The following KIAA1671 variants were observed in gnomAD, a reference collection of about 807,000 sequenced individuals.
KIAA1671 encodes uncharacterized protein KIAA1671.
KIAA1671 carries 52 observed loss-of-function variants against 131.2 expected under a neutral mutation model. The observed-to-expected ratio is 0.40, with a 90% confidence interval of 0.32 to 0.50. The LOEUF (loss-of-function observed/expected upper bound fraction) is 0.50, where lower values mean the gene tolerates loss of function less well. Ranked by LOEUF, KIAA1671 falls within the 20% of genes least tolerant of loss-of-function variation. The pLI is 0.73. For missense variants in KIAA1671, 2,360 were observed against 2,364.2 expected (o/e 1.00, Z 0.04); for synonymous variants, 1,003 against 961.6 (o/e 1.04, Z -0.80).
intron 1 of KIAA1671, among the ~76,000 whole-genome samples, chr22:24,960,990 C>T (rs761524371): frequency 2.0e-5 from 3 of 152,016 alleles, no homozygotes; most frequent in African/African-American, 4.8e-5. Context: ...CATTTTGTTG[C>T]CCTTGGGGTT....
chr22:25,031,297 C>T (rs1301929826), intron 3 of KIAA1671, among the ~76,000 whole-genome samples: 1 of 150,626 alleles, frequency 6.6e-6, no homozygotes, highest in East Asian at 2.0e-4. Context: ...CCCAGGTTCA[C>T]GCCATTCTCC....
chr22:25,119,436 CCACT>C (rs1162034145), intron 6 of KIAA1671, among the ~76,000 whole-genome samples: 1 of 152,188 alleles, frequency 6.6e-6, no homozygotes, highest in East Asian at 1.9e-4. Context: ...GTAATAAAAA[CCACT>C]CATTCATTCA....
chr22:25,152,868 G>A (rs1191231398), intron 6 of KIAA1671, among the ~76,000 whole-genome samples: 1 of 152,128 alleles, frequency 6.6e-6, no homozygotes, highest in Non-Finnish European at 1.5e-5. Flanking sequence ...GCCTCCCAAA[G>A]TGCTGGGATT....
At chr22:25,140,795 AGCAGAG>A (rs1172100193) in intron 6 of KIAA1671, among the ~76,000 whole-genome samples, 10 of 152,174 alleles carry the variant, frequency 6.6e-5, no homozygotes, top group Admixed American at 2.6e-4. Context: ...GAGGTTCTTG[AGCAGAG>A]GCGTGGTATG....
chr22:24,994,604 G>A (rs531238054), intron 1 of KIAA1671, among the ~76,000 whole-genome samples: 1 of 152,222 alleles, frequency 6.6e-6, no homozygotes, highest in Admixed American at 6.5e-5. Flanking sequence ...CTCTTGTGAG[G>A]ACCTGGCTGG....
intron 1 of KIAA1671, among the ~76,000 whole-genome samples, chr22:24,975,490 T>C (rs759340270): frequency 3.3e-5 from 5 of 152,040 alleles, no homozygotes; most frequent in Non-Finnish European, 7.4e-5. Flanking sequence ...GCTAATTTTT[T>C]TGATTTTCAG....
At chr22:25,188,653 T>C (rs1383070659) in intron 11 of KIAA1671, among the ~76,000 whole-genome samples, 1 of 152,206 alleles carries the variant, frequency 6.6e-6, no homozygotes, top group Non-Finnish European at 1.5e-5. Context: ...ATATTTTGTA[T>C]GTTATATTTT....
chr22:25,132,804 C>G (rs1013972067), intron 6 of KIAA1671, among the ~76,000 whole-genome samples: 1 of 152,102 alleles, frequency 6.6e-6, no homozygotes, highest in Non-Finnish European at 1.5e-5. Flanking sequence ...CCTGTAATCC[C>G]AGCACTTTAG....
chr22:24,965,967 A>T (rs1056123888), intron 1 of KIAA1671, among the ~76,000 whole-genome samples: 2 of 152,204 alleles, frequency 1.3e-5, no homozygotes, highest in Admixed American at 1.3e-4. Context: ...TAGGATCCTC[A>T]TAACAACCTA....
At chr22:25,174,185 C>A in intron 7 of KIAA1671, 55 bp from the exon 8 acceptor site, 1 of 1,531,606 alleles carries the variant, frequency 6.5e-7, no homozygotes, top group Non-Finnish European at 8.8e-7. Context: ...CTTGAAATCC[C>A]GTTCTCTGAA....
At chr22:25,174,115 G>A (rs1330762766) in intron 7 of KIAA1671, 125 bp from the exon 8 acceptor site, 3 of 1,059,040 alleles carry the variant, frequency 2.8e-6, no homozygotes, top group South Asian at 3.2e-5. Flanking sequence ...GGGATGTTCT[G>A]TCTGTTGTTA....
intron 6 of KIAA1671, among the ~76,000 whole-genome samples, chr22:25,114,540 C>T (rs1410437725): frequency 6.6e-6 from 1 of 152,262 alleles, no homozygotes; most frequent in African/African-American, 2.4e-5. Context: ...GGCTCTGCCG[C>T]TTCCCAGCTG....
At chr22:25,146,417 C>T (rs1241827323) in intron 6 of KIAA1671, among the ~76,000 whole-genome samples, 1 of 152,196 alleles carries the variant, frequency 6.6e-6, no homozygotes, top group Non-Finnish European at 1.5e-5. Flanking sequence ...CCTAGCCTTG[C>T]CCCCAGGCCT....
chr22:25,134,793 G>A (rs1186481624), intron 6 of KIAA1671, among the ~76,000 whole-genome samples: 1 of 152,188 alleles, frequency 6.6e-6, no homozygotes, highest in Non-Finnish European at 1.5e-5. Flanking sequence ...CCCACCACTT[G>A]CCAGCTCTGT....
chr22:25,117,585 CCACACACA>C (rs4049524), intron 6 of KIAA1671, among the ~76,000 whole-genome samples: 1,691 of 123,870 alleles, frequency 0.014, 14 homozygotes, highest in South Asian at 0.053. Context: ...TCTCCCCCAA[CCACACACA>C]CACACACACA....
intron 6 of KIAA1671, among the ~76,000 whole-genome samples, chr22:25,091,138 A>G (rs922249193): frequency 7.2e-5 from 11 of 152,094 alleles, no homozygotes; most frequent in Non-Finnish European, 1.5e-4. Flanking sequence ...GCTCACTGCA[A>G]CCTTTGCCTC....
intron 1 of KIAA1671, among the ~76,000 whole-genome samples, chr22:24,966,587 A>AC (rs1326070954): frequency 2.6e-5 from 4 of 152,170 alleles, no homozygotes; most frequent in Non-Finnish European, 5.9e-5. Context: ...ATGCTTGCTC[A>AC]CCTGCATACC....
chr22:24,986,873 C>T (rs1314794824), intron 1 of KIAA1671, among the ~76,000 whole-genome samples: 1 of 151,976 alleles, frequency 6.6e-6, no homozygotes, highest in Non-Finnish European at 1.5e-5. Flanking sequence ...AAGGACAAAG[C>T]CCCTTGCCCT....
rs113194103 is a variant in KIAA1671, at chr22:25,116,426, T to C, written c.4531-54394T>C. On this transcript the variant is annotated intron_variant, in intron 6 of 12. Coordinates refer to ENST00000358431, the MANE Select transcript of KIAA1671 (RefSeq NM_001145206.2). ...ATGTATGTATGTATGTATGTATGTATGTATGTACGTATTGAGATGGAGTCT... is the reference window on the plus strand; with the variant it reads ...ATGTATGTATGTATGTATGTATGTACGTATGTACGTATTGAGATGGAGTCT... 5.0e-3 allele frequency among the ~76,000 whole-genome samples: 633 copies of C among 126,558 alleles called. 5 individuals carry two copies. The highest frequency in any genetic ancestry group is 0.023 in the African/African-American group (517 of 22,444). 83.0% of individuals were successfully genotyped at this position (126,558 alleles called of 152,430 possible).
Sources: gnomAD v4.1 joint callset for allele counts (sites outside exome capture counted in the v4.1 genomes callset) on GRCh38, gnomAD v4.1.1 for gene constraint, MANE v1.5 for transcripts, NCBI Gene and HGNC (gene_info 2026-07-23, HGNC 2026-07-21) for gene names.